Variants in DMXL1 observed in about 807,000 individuals in gnomAD.
The protein encoded by DMXL1 is dmX-like protein 1.
Under a neutral mutation model 319.2 loss-of-function variants are expected in DMXL1, and 99 were observed. The ratio of observed to expected loss-of-function variants is 0.31; its 90% CI spans 0.26 to 0.37. The LOEUF (loss-of-function observed/expected upper bound fraction) is 0.37. Ranked by LOEUF, DMXL1 falls within the 10% of genes least tolerant of loss-of-function variation. The pLI, the probability that DMXL1 is intolerant of heterozygous loss-of-function variation, is 1.00. For missense variants in DMXL1, 3,745 were observed against 3,595.6 expected (o/e 1.04, Z -1.06); for synonymous variants, 1,385 against 1,235.2 (o/e 1.12, Z -2.54).
chr5:119,221,095 A>G lies in DMXL1; in HGVS notation c.8277+14A>G, dbSNP rs1333870936. 6.3e-7 allele frequency: 1 copy of G among 1,579,258 alleles called. No individual in the cohort carries two copies. The highest frequency in any genetic ancestry group is 8.6e-7 in the Non-Finnish European group (1 of 1,161,638). On this transcript the variant is annotated intron_variant, in intron 37 of 43. Coordinates refer to ENST00000539542, the MANE Select transcript of DMXL1 (RefSeq NM_001290321.3). Reference sequence around the variant, plus strand: ...GGAGCATCTGTGGTATGTAAAGTTAAAAATAAATTTAAGTTATATGTAACT... The same window carrying G: ...GGAGCATCTGTGGTATGTAAAGTTAGAAATAAATTTAAGTTATATGTAACT...
At chr5:119,120,193 C>G (rs1428333596) in intron 8 of DMXL1, among the ~76,000 whole-genome samples, 4 of 152,198 alleles carry the variant, frequency 2.6e-5, no homozygotes, top group Non-Finnish European at 4.4e-5. Context: ...GCCACCATGC[C>G]CGGCCCTGAA....
chr5:119,171,378 T>C, intron 24 of DMXL1, 98 bp downstream of exon 24: 1 of 1,263,676 alleles, frequency 7.9e-7, no homozygotes, highest in South Asian at 1.5e-5. Flanking sequence ...TTTTCTTTAT[T>C]ACGGTTGCTT....
At chr5:119,216,758 T>A in intron 34 of DMXL1, 143 bp from the exon 35 acceptor site, 1 of 543,578 alleles carries the variant, frequency 1.8e-6, no homozygotes, top group Non-Finnish European at 3.2e-6. Context: ...TAGGGATAAT[T>A]AGCATATACA....
intron 1 of DMXL1, among the ~76,000 whole-genome samples, chr5:119,082,020 T>TATATATACACACAC (rs1200957102): frequency 9.2e-6 from 1 of 108,164 alleles, no homozygotes; most frequent in South Asian, 3.0e-4. Context: ...TATATATATA[T>TATATATACACACAC]ACACACACAC....
At chr5:119,168,958 G>T (rs967448432) in intron 23 of DMXL1, among the ~76,000 whole-genome samples, 1 of 151,972 alleles carries the variant, frequency 6.6e-6, no homozygotes, top group African/African-American at 2.4e-5. Context: ...CTGGAGTGCA[G>T]TGGGGCTATC....
intron 1 of DMXL1, among the ~76,000 whole-genome samples, chr5:119,086,715 A>T (rs977200339): frequency 4.6e-5 from 7 of 152,074 alleles, no homozygotes; most frequent in African/African-American, 1.7e-4. Flanking sequence ...TATGGCTTCC[A>T]TCTCATTACT....
At chr5:119,202,143 A>G (rs552333856) in intron 32 of DMXL1, among the ~76,000 whole-genome samples, 3 of 151,970 alleles carry the variant, frequency 2.0e-5, no homozygotes, top group African/African-American at 7.2e-5. Context: ...CTTCTCTGAT[A>G]TTTTCCATTA....
intron 33 of DMXL1, among the ~76,000 whole-genome samples, chr5:119,205,708 T>C (rs1373918331): frequency 6.6e-6 from 1 of 152,072 alleles, no homozygotes; most frequent in Admixed American, 6.5e-5. Flanking sequence ...TGATAGAGAA[T>C]ATGAAAAGAA....
intron 1 of DMXL1, among the ~76,000 whole-genome samples, chr5:119,096,660 C>T (rs747302997): frequency 2.8e-4 from 42 of 152,146 alleles, no homozygotes; most frequent in Non-Finnish European, 4.3e-4. Context: ...AAAAAACTCC[C>T]GTGATCAAAG....
Position 119,237,303 on chromosome 5 carries a change from A to G in DMXL1, c.8467-19A>G. 7.0e-7 allele frequency: 1 copy of G among 1,419,376 alleles called. No individual in the cohort carries two copies. Among genetic ancestry groups the G allele is most frequent in the Admixed American group, 1.7e-5 (1 of 58,556 alleles). 87.9% of individuals were successfully genotyped at this position (1,419,376 alleles called of 1,614,324 possible). On this transcript the variant is annotated intron_variant, in intron 39 of 43. Coordinates refer to ENST00000539542, the MANE Select transcript of DMXL1 (RefSeq NM_001290321.3). ...TTTATATTTATATTAAATACTTTTA[A>G]ATATTTTCTTTCTCTAAGTTTGGAA...
At chr5:119,206,338 C>T (rs1781740010) in intron 33 of DMXL1, among the ~76,000 whole-genome samples, 1 of 151,976 alleles carries the variant, frequency 6.6e-6, no homozygotes, top group Non-Finnish European at 1.5e-5. Flanking sequence ...ATGTGCTTCC[C>T]AGCAATTTAT....
chr5:119,105,383 T>C, intron 4 of DMXL1, 125 bp downstream of exon 4: 1 of 689,162 alleles, frequency 1.5e-6, no homozygotes, highest in Non-Finnish European at 2.5e-6. Flanking sequence ...AGAAGTAAAA[T>C]GGATTATGCC....
intron 4 of DMXL1, among the ~76,000 whole-genome samples, chr5:119,105,550 A>G (rs769976909): frequency 6.6e-6 from 1 of 152,180 alleles, no homozygotes; most frequent in Non-Finnish European, 1.5e-5. Flanking sequence ...CTGAGAGTAA[A>G]CAGACTTTAG....
At chr5:119,089,873 G>T (rs1194509069) in intron 1 of DMXL1, among the ~76,000 whole-genome samples, 1 of 150,900 alleles carries the variant, frequency 6.6e-6, no homozygotes, top group Admixed American at 6.6e-5. Flanking sequence ...TGATCCGCCC[G>T]CCTTGGCCTC....
At chr5:119,175,473 C>A in intron 26 of DMXL1, 136 bp downstream of exon 26, 1 of 597,524 alleles carries the variant, frequency 1.7e-6, no homozygotes, top group East Asian at 3.3e-5. Context: ...GTTTTGAGTA[C>A]TTTTTGTTCA....
At chr5:119,077,900 C>T (rs891499807) in intron 1 of DMXL1, among the ~76,000 whole-genome samples, 109 of 121,934 alleles carry the variant, frequency 8.9e-4, no homozygotes, top group Non-Finnish European at 1.7e-3. Context: ...CACACACACA[C>T]GTATATATTT....
Position 119,148,862 on chromosome 5 carries a change from C to T in DMXL1, c.3035C>T (p.Ser1012Leu), listed in dbSNP as rs781647602. 6.2e-7 allele frequency: 1 copy of T among 1,613,702 alleles called. No homozygotes were observed. The highest frequency in any genetic ancestry group is 1.1e-5 in the South Asian group (1 of 91,064). ...CRVTDGESAT[S>L]KNGKIDLAYI... ...GTAACAGATGGAGAATCTGCCACGT[C>T]AAAGAATGGAAAAATTGATCTTGCA... The change falls in exon 18 of 44, where the codon TCA becomes TTA. Residue 1012 changes from serine to leucine, a missense_variant. Transcript: ENST00000539542.
At chr5:119,122,048 C>A (rs534975498) in intron 9 of DMXL1, among the ~76,000 whole-genome samples, 2 of 144,138 alleles carry the variant, frequency 1.4e-5, no homozygotes, top group African/African-American at 5.1e-5. Context: ...GCTGACCCCC[C>A]AACCTCCCTC....
intron 10 of DMXL1, 117 bp downstream of exon 10, chr5:119,129,540 A>T: frequency 1.5e-6 from 1 of 682,538 alleles, no homozygotes; most frequent in Non-Finnish European, 2.5e-6. Context: ...CATGATCCAA[A>T]CATGGACTAG....
Sources: gnomAD v4.1 joint callset for allele counts (sites outside exome capture counted in the v4.1 genomes callset) on GRCh38, gnomAD v4.1.1 for gene constraint, MANE v1.5 for transcripts, NCBI Gene and HGNC (gene_info 2026-07-23, HGNC 2026-07-21) for gene names.